MMP8: variants seen among roughly 807,000 people sequenced by gnomAD.
The protein encoded by MMP8 is neutrophil collagenase.
Under a neutral mutation model 51.2 loss-of-function variants are expected in MMP8, and 67 were observed. The ratio of observed to expected loss-of-function variants is 1.31; its 90% CI spans 1.08 to 1.60. The LOEUF (loss-of-function observed/expected upper bound fraction) is 1.60, where lower values mean the gene tolerates loss of function less well. MMP8 is among the 40% of genes most tolerant of loss of function. The probability of loss-of-function intolerance (pLI) is 0.00; values close to 1 mark genes in which losing one functional copy is unlikely to be tolerated. For missense variants in MMP8, 654 were observed against 558.1 expected, an observed-to-expected ratio of 1.17 and a Z score of -1.73; for synonymous variants, 225 against 191.0, an observed-to-expected ratio of 1.18 and a Z score of -1.47.
chr11:102,719,190 G>A (rs375579551), intron 4 of MMP8, among the ~76,000 whole-genome samples: 3 of 152,208 alleles, frequency 2.0e-5, no homozygotes, highest in African/African-American at 4.8e-5. Context: ...GCATAGTGCC[G>A]TTCACAACTG....
chr11:102,714,700 T>C lies in MMP8; in HGVS notation c.1046A>G (p.Tyr349Cys). 1 of 1,503,626 alleles carries C rather than the reference T, an allele frequency of 6.7e-7. No homozygotes were observed. The highest frequency in any genetic ancestry group is 1.4e-5 in the South Asian group (1 of 71,170). 93.1% of individuals were successfully genotyped at this position (1,503,626 alleles called of 1,614,324 possible). Residue 349 changes from tyrosine to cysteine, a missense_variant, in exon 8 of 10, where the codon TAC (tyrosine) becomes TGC (cysteine). Coordinates refer to ENST00000236826, the MANE Select transcript of MMP8 (RefSeq NM_002424.3). ...DLIFLFKGNQ[Y>C]WALSGYDILQ... ...AATATCATAGCCACTCAGAGCCCAG[T>C]ATTGGTTGCCTGTCAATGATTCAGG...
Position 102,715,404 on chromosome 11 carries a change from T to A in MMP8, c.936A>T (p.Arg312Ser). 2 of 1,613,694 alleles carry A rather than the reference T, an allele frequency of 1.2e-6. No homozygotes were observed. Among genetic ancestry groups the A allele is most frequent in the Non-Finnish European group, 1.7e-6 (2 of 1,179,780 alleles). ...ATAGAGAAATAAAATTCATTTCGAC[T>A]CTTTGTAGCTGAGGATGCCTTCTCC... ...YFWRRHPQLQ[R>S]VEMNFISLFW... is the part of the protein sequence containing the mutation. The change falls in exon 7 of 10, where the codon AGA becomes AGT. Residue 312 changes from arginine to serine, a missense_variant. By Grantham distance (110) the Arg-to-Ser change is moderately radical (BLOSUM62 -1). Transcript: ENST00000236826.
chr11:102,721,045 C>A (rs1177327731), intron 4 of MMP8, among the ~76,000 whole-genome samples: 1 of 152,044 alleles, frequency 6.6e-6, no homozygotes, highest in East Asian at 1.9e-4. Context: ...ACTCAGCTTG[C>A]CATTGTAGAG....
At chr11:102,719,786 C>G (rs1861415112) in intron 4 of MMP8, among the ~76,000 whole-genome samples, 1 of 152,192 alleles carries the variant, frequency 6.6e-6, no homozygotes, top group African/African-American at 2.4e-5. Context: ...GTTCTCTGCT[C>G]TACAGGGAGT....
At chr11:102,720,167 G>A (rs1861426082) in intron 4 of MMP8, among the ~76,000 whole-genome samples, 1 of 152,226 alleles carries the variant, frequency 6.6e-6, no homozygotes, top group Non-Finnish European at 1.5e-5. Flanking sequence ...AGCACCAAGA[G>A]CCTTCAATAC....
intron 5 of MMP8, among the ~76,000 whole-genome samples, chr11:102,716,811 CTT>C (rs1487799924): frequency 6.6e-6 from 1 of 152,094 alleles, no homozygotes; most frequent in Non-Finnish European, 1.5e-5. Context: ...TGATATTAGT[CTT>C]TTACGCTATA....
At chr11:102,719,512 C>G (rs1861408606) in intron 4 of MMP8, among the ~76,000 whole-genome samples, 1 of 150,736 alleles carries the variant, frequency 6.6e-6, no homozygotes, top group Non-Finnish European at 1.5e-5. Context: ...GTGACTGATG[C>G]CCATAGATTT....
At chr11:102,716,058 C>T in intron 6 of MMP8, among the ~76,000 whole-genome samples, 1 of 151,798 alleles carries the variant, frequency 6.6e-6, no homozygotes, top group East Asian at 1.9e-4. Flanking sequence ...AGAAAATACT[C>T]AATTGCATAA....
Position 102,724,758 on chromosome 11 carries a change from A to G in MMP8, c.98T>C (p.Val33Ala), listed in dbSNP as rs1243853061. Residue 33 changes from valine to alanine, a missense_variant, in exon 1 of 10, where the codon GTT (valine) becomes GCT (alanine). Transcript: ENST00000236826. ...VSSKEKNTKT[V>A]QDYLEKFYQL... ...CCTAACTGATAGTTCATTTACCTGA[A>G]CAGTTTTTGTATTTTTCTCTTTAGA... The G allele has an allele frequency of 1.3e-6, 2 of 1,593,342 alleles. No individual in the cohort carries two copies. The highest frequency in any genetic ancestry group is 1.3e-5 in the African/African-American group (1 of 74,540).
rs1219141489 is a variant in MMP8 at position 102,713,744 on chromosome 11, T to C, written c.1294+10A>G. 3.8e-6 allele frequency: 6 copies of C among 1,587,594 alleles called. No homozygotes were observed. Among genetic ancestry groups the C allele is most frequent in the African/African-American group, 1.4e-5 (1 of 73,058 alleles). On this transcript the variant is annotated intron_variant, in intron 9 of 9. Coordinates refer to ENST00000236826, the MANE Select transcript of MMP8 (RefSeq NM_002424.3). The stretch of plus-strand genomic sequence containing the variant: ...ACAACACATTTATTAGGTTTTTTTT[T>C]CCTACTTACGTTCTTGCTGGAAAAC...
rs1285811811 is a variant in MMP8 at position 102,724,903 on chromosome 11, T to A, written c.-48A>T. The A allele has an allele frequency of 1.3e-6, 2 of 1,576,400 alleles. No individual in the cohort carries two copies. Among genetic ancestry groups the A allele is most frequent in the Non-Finnish European group, 1.7e-6 (2 of 1,158,262 alleles). ...CCTCCTGGCTTTCTTTCTGTCCCTCTGGGTAGGGCCCTTCCCTGGCGAGCA... is the reference window on the plus strand; with the variant it reads ...CCTCCTGGCTTTCTTTCTGTCCCTCAGGGTAGGGCCCTTCCCTGGCGAGCA... On this transcript the variant is annotated 5_prime_UTR_variant, in exon 1 of 10. Transcript: ENST00000236826.
chr11:102,719,879 G>GT (rs1221515120), intron 4 of MMP8, among the ~76,000 whole-genome samples: 2 of 152,214 alleles, frequency 1.3e-5, no homozygotes, highest in African/African-American at 4.8e-5. Context: ...TACAAAAGCT[G>GT]TCAGAATTCT....
At chr11:102,722,919 A>T in intron 1 of MMP8, 1 of 1,128,590 alleles carries the variant, frequency 8.9e-7, no homozygotes, top group South Asian at 1.3e-5. Context: ...TGAGGATCAC[A>T]TCACACAGGC....
intron 4 of MMP8, 63 bp downstream of exon 4, chr11:102,721,338 G>GTGTGTA: frequency 7.2e-7 from 1 of 1,397,766 alleles, no homozygotes; most frequent in Non-Finnish European, 1.0e-6. Context: ...GTGTGTGTGT[G>GTGTGTA]TATTCTAATC....
rs201312052 is a variant in MMP8 at position 102,722,447 on chromosome 11, C to T, written c.329G>A (p.Arg110His). Residue 110 changes from arginine (R) to histidine (H), a missense_variant, in exon 2 of 10, where the codon CGC becomes CAC. Transcript: ENST00000236826. Reference protein sequence around the residue: ...MLTPGNPKWERTNLTYRIRNY... With the variant: ...MLTPGNPKWEHTNLTYRIRNY... ...ATATCACCTGTAGGTCAAGTTAGTG[C>T]GTTCCCACTTGGGGTTTCCTGGGGT... 27 of 1,613,686 alleles carry T rather than the reference C, an allele frequency of 1.7e-5. No homozygotes were observed. Among genetic ancestry groups the T allele is most frequent in the Admixed American group, 1.2e-4 (7 of 59,942 alleles).
intron 5 of MMP8, among the ~76,000 whole-genome samples, chr11:102,718,188 C>G (rs1861358661): frequency 6.6e-6 from 1 of 151,986 alleles, no homozygotes; most frequent in Non-Finnish European, 1.5e-5. Context: ...AAGACAATAA[C>G]TGGGAAGCAC....
At position 102,721,487 on chromosome 11, in the gene MMP8, AT is replaced by A; in HGVS notation, c.535del (p.Ile179SerfsTer56). 6.2e-7 allele frequency: 1 copy of A among 1,613,936 alleles called. No individual in the cohort carries two copies. The highest frequency in any genetic ancestry group is 1.1e-5 in the South Asian group (1 of 91,086). On this transcript the variant is annotated frameshift_variant, in exon 4 of 10. Transcript: ENST00000236826. LOFTEE classifies it high-confidence loss of function. ...GCCTGGCTGAAAGGCATGAGCAAGG[AT>A]TCCATTGGGTCCATCAAATGGAGAA... ...DNSPFDGPNGILAHAFQPGQG... is the reference protein window; with the variant it reads ...DNSPFDGPNGXLAHAFQPGQG...
intron 1 of MMP8, chr11:102,722,905 G>C: frequency 9.5e-7 from 1 of 1,051,986 alleles, no homozygotes. Context: ...TGTCTCATAA[G>C]GGATGAGGAT....
At position 102,721,776 on chromosome 11, in the gene MMP8, G is replaced by C; in HGVS notation, c.348-14C>G. 1 of 1,612,990 alleles carries C rather than the reference G, an allele frequency of 6.2e-7. No individual in the cohort carries two copies. The highest frequency in any genetic ancestry group is 8.5e-7 in the Non-Finnish European group (1 of 1,179,380). The stretch of plus-strand genomic sequence containing the variant: ...TAGTTTCGAATCCTTCAAAATGAGA[G>C]GATGTATGAAGAGTTAAATGTTATT... On this transcript the variant is annotated splice_polypyrimidine_tract_variant and intron_variant, in intron 2 of 9. Transcript: ENST00000236826.
Sources: gnomAD v4.1 joint callset for allele counts (sites outside exome capture counted in the v4.1 genomes callset) on GRCh38, gnomAD v4.1.1 for gene constraint, MANE v1.5 for transcripts, NCBI Gene and HGNC (gene_info 2026-07-23, HGNC 2026-07-21) for gene names.